The following EDARADD variants were observed in gnomAD, a reference collection of about 807,000 sequenced individuals.
The protein encoded by EDARADD is ectodysplasin-A receptor-associated adapter protein.
In EDARADD, 20 loss-of-function variants were observed where a neutral mutation model predicts 25.6. That is an observed-to-expected ratio of 0.78 (90% CI 0.55 to 1.14). The LOEUF is 1.14. Among genes scored for constraint, EDARADD ranks in the 50% most tolerant of loss-of-function variants. EDARADD has a pLI of 0.00. For synonymous variants in EDARADD, 86 were observed against 94.4 expected (o/e 0.91, Z 0.52); for missense variants, 225 against 270.1 (o/e 0.83, Z 1.17).
At chr1:236,465,764 G>A (rs532435549) in intron 4 of EDARADD, among the ~76,000 whole-genome samples, 46 of 152,068 alleles carry the variant, frequency 3.0e-4, no homozygotes, top group Non-Finnish European at 5.4e-4. Context: ...AAAGGCATGT[G>A]TATGCTTTCA....
intron 1 of EDARADD, among the ~76,000 whole-genome samples, chr1:236,405,913 C>T (rs1469122319): frequency 1.9e-5 from 1 of 53,118 alleles, no homozygotes. Context: ...TTCTTTCTTT[C>T]TTTCTTTCTT....
chr1:236,414,094 G>A (rs563474027), intron 2 of EDARADD, among the ~76,000 whole-genome samples, 166 bp from the exon 3 acceptor site: 1 of 152,268 alleles, frequency 6.6e-6, no homozygotes, highest in South Asian at 2.1e-4. Flanking sequence ...CATTCCTGTC[G>A]ACTGAGAATA....
At chr1:236,451,173 T>C (rs186925495) in intron 4 of EDARADD, among the ~76,000 whole-genome samples, 53 of 152,278 alleles carry the variant, frequency 3.5e-4, no homozygotes, top group African/African-American at 1.2e-3. Context: ...GAATCTACTA[T>C]CTTGATTCTA....
chr1:236,462,155 G>A (rs748440831), intron 4 of EDARADD, among the ~76,000 whole-genome samples: 1 of 152,134 alleles, frequency 6.6e-6, no homozygotes, highest in African/African-American at 2.4e-5. Flanking sequence ...TCCTTCTATG[G>A]GTTAAAGCAA....
chr1:236,393,387 CTTTCTTTTTTTT>C (rs1667453137), upstream of EDARADD, among the ~76,000 whole-genome samples: 1 of 86,328 alleles, frequency 1.2e-5, no homozygotes, highest in Non-Finnish European at 2.2e-5. Flanking sequence ...TTCTTTCTTT[CTTTCTTTTTTTT>C]TTTTTTTTTT....
intron 4 of EDARADD, among the ~76,000 whole-genome samples, chr1:236,444,431 T>A (rs1658479042): frequency 6.6e-6 from 1 of 151,878 alleles, no homozygotes; most frequent in Admixed American, 6.6e-5. Flanking sequence ...CTCTCCCATC[T>A]TTTTTTTGAA....
At chr1:236,405,644 C>T (rs965610282) in intron 1 of EDARADD, among the ~76,000 whole-genome samples, 2 of 146,042 alleles carry the variant, frequency 1.4e-5, no homozygotes, top group African/African-American at 4.9e-5. Flanking sequence ...TTTTAACTGT[C>T]CTGTGTGTGT....
intron 3 of EDARADD, among the ~76,000 whole-genome samples, chr1:236,426,117 G>T (rs943825000): frequency 2.0e-5 from 3 of 152,060 alleles, no homozygotes; most frequent in Admixed American, 1.3e-4. Context: ...AAGTAGCTGG[G>T]ACTACAGGCA....
chr1:236,357,382 T>C lies in EDARADD; in HGVS notation c.-6+6543T>C, dbSNP rs374503265. ...TATGAAGAAAAAAGGTTTATTTGGCTCAGTTCTGCGGGCTATACAAGAAAC... is the reference window on the plus strand; with the variant it reads ...TATGAAGAAAAAAGGTTTATTTGGCCCAGTTCTGCGGGCTATACAAGAAAC... On this transcript the variant is annotated intron_variant, in intron 3 of 7. Coordinates refer to the EDARADD transcript ENST00000439430. Among the ~76,000 whole-genome samples, 7 of 152,278 alleles carry C rather than the reference T, an allele frequency of 4.6e-5. No homozygotes were observed. In the East Asian group the frequency reaches 1.4e-3, roughly 29 times the overall value.
At chr1:236,399,175 T>C (rs901974789) in intron 1 of EDARADD, among the ~76,000 whole-genome samples, 1 of 152,120 alleles carries the variant, frequency 6.6e-6, no homozygotes, top group Non-Finnish European at 1.5e-5. Flanking sequence ...GAGTTAATTG[T>C]ATTTATTTAT....
intron 3 of EDARADD, among the ~76,000 whole-genome samples, chr1:236,426,739 A>G (rs10925121): frequency 0.03 from 4,504 of 152,224 alleles, 226 homozygotes; most frequent in African/African-American, 0.1. Flanking sequence ...GAGGCCCTAT[A>G]TCTTACTTAG....
At chr1:236,417,230 A>G (rs1386990819) in intron 3 of EDARADD, among the ~76,000 whole-genome samples, 1 of 152,268 alleles carries the variant, frequency 6.6e-6, no homozygotes, top group Admixed American at 6.5e-5. Flanking sequence ...ATTTAATTCT[A>G]TAAAGGAAAG....
chr1:236,417,301 A>T (rs1367445511), intron 3 of EDARADD, among the ~76,000 whole-genome samples: 1 of 152,218 alleles, frequency 6.6e-6, no homozygotes, highest in African/African-American at 2.4e-5. Flanking sequence ...TAGAAGCATC[A>T]TTTGTAATTA....
Position 236,483,088 on chromosome 1 carries a change from A to G in EDARADD, c.*439A>G, listed in dbSNP as rs931757894. The G allele has an allele frequency of 4.4e-5, 42 of 955,882 alleles. No homozygotes were observed. The African/African-American group carries it at 6.8e-4, about 15-fold the overall frequency. The allele number at this position is 955,882 out of a possible 1,614,324, so 59.2% of individuals were successfully genotyped here. A position where few individuals can be genotyped will look rare whatever the true frequency, so the allele number is the denominator to read the frequency against. ...CACGGTTTCAAAGAAAACAGCTACA[A>G]GGAATGCTTACCTGAGTGTCTGCAG... On this transcript the variant is annotated 3_prime_UTR_variant, in exon 6 of 6. Transcript: ENST00000334232.
chr1:236,456,696 C>A (rs1319013173), intron 4 of EDARADD, among the ~76,000 whole-genome samples: 1 of 145,518 alleles, frequency 6.9e-6, no homozygotes, highest in East Asian at 2.1e-4. Flanking sequence ...CCCTCTCTGA[C>A]CCTCTTTTCT....
intron 4 of EDARADD, among the ~76,000 whole-genome samples, chr1:236,464,423 CT>C (rs35064410): frequency 0.012 from 880 of 72,942 alleles, 1 homozygote; most frequent in Non-Finnish European, 0.016. Flanking sequence ...CTTGCTGCAA[CT>C]TTTTTTTTTT....
intron 3 of EDARADD, among the ~76,000 whole-genome samples, chr1:236,381,914 G>A (rs1000445100): frequency 2.9e-5 from 4 of 137,906 alleles, no homozygotes; most frequent in African/African-American, 1.0e-4. Flanking sequence ...AGAGTAACTG[G>A]GACTACAGGC....
intron 2 of EDARADD, among the ~76,000 whole-genome samples, chr1:236,349,613 C>T (rs1666891321): frequency 6.6e-6 from 1 of 152,008 alleles, no homozygotes; most frequent in Non-Finnish European, 1.5e-5. Flanking sequence ...TGAATTTATC[C>T]TGGAATCAAG....
At chr1:236,431,343 A>G (rs1658089733) in intron 4 of EDARADD, among the ~76,000 whole-genome samples, 1 of 152,172 alleles carries the variant, frequency 6.6e-6, no homozygotes, top group South Asian at 2.1e-4. Flanking sequence ...GCTACTCAGG[A>G]GGCTGAGGTG....
Sources: allele counts gnomAD v4.1 joint callset (sites outside exome capture counted in the v4.1 genomes callset), GRCh38; gene constraint gnomAD v4.1.1; transcripts MANE v1.5; gene names NCBI Gene and HGNC (gene_info 2026-07-23, HGNC 2026-07-21).